Variants in IQCJ observed in about 807,000 individuals in gnomAD.
IQCJ encodes the protein IQ domain-containing protein J.
A neutral mutation model predicts 11.0 loss-of-function variants in IQCJ; 9 were observed. The ratio of observed to expected loss-of-function variants is 0.82; its 90% CI spans 0.49 to 1.43. The LOEUF (loss-of-function observed/expected upper bound fraction) is 1.43. Ranked by LOEUF, IQCJ falls within the 40% of genes most tolerant of loss-of-function variation. IQCJ has a pLI of 0.00. For synonymous variants in IQCJ, 55 were observed against 51.3 expected (o/e 1.07, Z -0.31); for missense variants, 146 against 133.2 (o/e 1.10, Z -0.47).
intron 1 of IQCJ, among the ~76,000 whole-genome samples, chr3:159,192,318 A>G (rs933573572): frequency 6.6e-6 from 1 of 152,212 alleles, no homozygotes; most frequent in Non-Finnish European, 1.5e-5. Flanking sequence ...GGTGGAGGGC[A>G]GTTTTTCTTG....
intron 1 of IQCJ, among the ~76,000 whole-genome samples, chr3:159,239,695 C>T (rs79356150): frequency 0.033 from 5,052 of 152,230 alleles, 260 homozygotes; most frequent in African/African-American, 0.12. Context: ...TGCATAATGC[C>T]GTTTGGCCAA....
chr3:159,084,298 CG>C (rs1559977712), intron 1 of IQCJ, among the ~76,000 whole-genome samples: 1 of 150,932 alleles, frequency 6.6e-6, no homozygotes, highest in African/African-American at 2.4e-5. Flanking sequence ...AAGATAAATT[CG>C]GTTTGGAAAT....
chr3:159,262,503 A>C, intron 3 of IQCJ, 45 bp from the exon 4 acceptor site: 2 of 1,593,688 alleles, frequency 1.3e-6, no homozygotes, highest in Non-Finnish European at 8.6e-7. Flanking sequence ...ATGATCCAAC[A>C]GTAATCATGT....
At chr3:159,207,384 C>A (rs1205103076) in intron 1 of IQCJ, among the ~76,000 whole-genome samples, 1 of 152,078 alleles carries the variant, frequency 6.6e-6, no homozygotes, top group East Asian at 1.9e-4. Context: ...TTACTTTCTG[C>A]CAGCTTTTTT....
intron 1 of IQCJ, among the ~76,000 whole-genome samples, chr3:159,174,703 A>C (rs1294123826): frequency 2.0e-5 from 3 of 152,162 alleles, no homozygotes; most frequent in Non-Finnish European, 2.9e-5. Flanking sequence ...ACATTTATCC[A>C]TATTTGTACA....
At chr3:159,211,060 T>A (rs968174896) in intron 1 of IQCJ, among the ~76,000 whole-genome samples, 1 of 152,224 alleles carries the variant, frequency 6.6e-6, no homozygotes. Context: ...AAGTAAAATA[T>A]TTTACTGAAT....
chr3:159,184,329 T>G (rs1723265803), intron 1 of IQCJ, among the ~76,000 whole-genome samples: 1 of 152,160 alleles, frequency 6.6e-6, no homozygotes, highest in African/African-American at 2.4e-5. Context: ...ATTATTTGGG[T>G]CTCAGCTTAA....
chr3:159,169,279 C>CTTTTTTTTTT (rs141888128), intron 1 of IQCJ, among the ~76,000 whole-genome samples: 33 of 56,342 alleles, frequency 5.9e-4, no homozygotes, highest in South Asian at 9.2e-4. Context: ...TTCTTTCTTT[C>CTTTTTTTTTT]TTTTTTTTTT....
chr3:159,131,900 C>A (rs188121598), intron 1 of IQCJ, among the ~76,000 whole-genome samples: 231 of 152,100 alleles, frequency 1.5e-3, no homozygotes, highest in Admixed American at 5.2e-3. Flanking sequence ...AGAGTACCTT[C>A]TTTTTATTCC....
chr3:159,243,247 C>A (rs1373974554), intron 1 of IQCJ, among the ~76,000 whole-genome samples: 3 of 152,114 alleles, frequency 2.0e-5, no homozygotes, highest in Non-Finnish European at 2.9e-5. Flanking sequence ...TAGATATTTA[C>A]TGAAGAGAAA....
intron 1 of IQCJ, among the ~76,000 whole-genome samples, chr3:159,214,187 A>C (rs1577085405): frequency 6.6e-6 from 1 of 152,154 alleles, no homozygotes; most frequent in East Asian, 1.9e-4. Context: ...CTCCATTCCC[A>C]GCTCAATCTG....
chr3:159,159,138 A>G (rs1721695571), intron 1 of IQCJ, among the ~76,000 whole-genome samples: 1 of 152,208 alleles, frequency 6.6e-6, no homozygotes, highest in Non-Finnish European at 1.5e-5. Context: ...TGTGCTGAGT[A>G]AGCTAAGATT....
chr3:159,090,698 A>C (rs1717209414), intron 1 of IQCJ, among the ~76,000 whole-genome samples: 1 of 151,850 alleles, frequency 6.6e-6, no homozygotes, highest in Non-Finnish European at 1.5e-5. Context: ...GAGAGCGTAC[A>C]GCGGCCTCTC....
intron 1 of IQCJ, among the ~76,000 whole-genome samples, chr3:159,090,529 T>G (rs565432124): frequency 1.3e-5 from 2 of 151,770 alleles, no homozygotes; most frequent in African/African-American, 2.4e-5. Context: ...TCCAGGTCTA[T>G]TCATGGAGTC....
chr3:159,239,769 CT>C (rs1467096626), intron 1 of IQCJ, among the ~76,000 whole-genome samples: 2 of 152,134 alleles, frequency 1.3e-5, no homozygotes, highest in Non-Finnish European at 2.9e-5. Flanking sequence ...AATATTTTTA[CT>C]GTACTTTTTC....
intron 1 of IQCJ, among the ~76,000 whole-genome samples, chr3:159,203,452 A>G (rs964757093): frequency 3.2e-4 from 48 of 151,784 alleles, no homozygotes; most frequent in African/African-American, 1.1e-3. Context: ...ATGGCCACAA[A>G]CATCACACTC....
intron 1 of IQCJ, among the ~76,000 whole-genome samples, chr3:159,101,754 G>A (rs111927549): frequency 0.018 from 2,737 of 152,230 alleles, 40 homozygotes; most frequent in Non-Finnish European, 0.029. Context: ...AAGTCTTTCT[G>A]AGATCAATAC....
At chr3:159,105,991 TCAA>T (rs766483386) in intron 1 of IQCJ, among the ~76,000 whole-genome samples, 1 of 152,182 alleles carries the variant, frequency 6.6e-6, no homozygotes, top group Non-Finnish European at 1.5e-5. Flanking sequence ...GGAGATTATT[TCAA>T]CAGCCTGAAG....
intron 1 of IQCJ, among the ~76,000 whole-genome samples, chr3:159,103,677 A>G (rs1371961361): frequency 2.6e-5 from 4 of 152,206 alleles, no homozygotes; most frequent in Non-Finnish European, 1.5e-5. Flanking sequence ...CTTTCCAGGA[A>G]TCATTCCAGT....
Sources: allele counts gnomAD v4.1 joint callset (sites outside exome capture counted in the v4.1 genomes callset), GRCh38; gene constraint gnomAD v4.1.1; transcripts MANE v1.5; gene names NCBI Gene and HGNC (gene_info 2026-07-23, HGNC 2026-07-21).